The following CATIP variants were observed in gnomAD, a reference collection of about 807,000 sequenced individuals.
The protein encoded by CATIP is ciliogenesis associated TTC17 interacting protein.
Under a neutral mutation model 42.5 loss-of-function variants are expected in CATIP, and 40 were observed. The ratio of observed to expected loss-of-function variants is 0.94; its 90% confidence interval spans 0.73 to 1.22. The LOEUF (loss-of-function observed/expected upper bound fraction) is 1.22. Among genes scored for constraint, CATIP ranks in the 50% most tolerant of loss-of-function variants. The pLI is 0.00. For missense variants in CATIP, 489 were observed against 496.0 expected (o/e 0.99, Z 0.13); for synonymous variants, 222 against 200.2 (o/e 1.11, Z -0.92).
intron 5 of CATIP, among the ~76,000 whole-genome samples, chr2:218,361,125 CCAGCCTA>C (rs1438024644): frequency 6.6e-6 from 1 of 152,148 alleles, no homozygotes; most frequent in Non-Finnish European, 1.5e-5. Flanking sequence ...GCCACCACGC[CCAGCCTA>C]CAGCTTGGTT....
At chr2:218,367,202 G>T in intron 8 of CATIP, 102 bp downstream of exon 8, 1 of 906,512 alleles carries the variant, frequency 1.1e-6, no homozygotes, top group East Asian at 2.5e-5. Flanking sequence ...TGCTGTAAAC[G>T]GGACAGGAGC....
chr2:218,366,991 A>C, intron 7 of CATIP, 33 bp from the exon 8 acceptor site: 3 of 1,543,268 alleles, frequency 1.9e-6, no homozygotes, highest in Non-Finnish European at 2.7e-6. Context: ...GTCTGGGAAG[A>C]TTCTCACTCT....
intron 5 of CATIP, among the ~76,000 whole-genome samples, 172 bp downstream of exon 5, chr2:218,360,831 T>TG (rs755686687): frequency 3.8e-3 from 449 of 118,556 alleles, no homozygotes; most frequent in Non-Finnish European, 4.3e-3. Context: ...CACAGCTTGT[T>TG]TTTTTTTTTT....
Position 218,357,910 on chromosome 2 carries a change from T to C in CATIP, c.320-127T>C, listed in dbSNP as rs935454082. 2.8e-6 allele frequency: 3 copies of C among 1,072,838 alleles called. No homozygotes were observed. The Admixed American group carries it at 5.5e-5, about 20-fold the overall frequency. 66.5% of individuals were successfully genotyped at this position (1,072,838 alleles called of 1,614,324 possible). ...CATGGACTCGGGATGAGGGCACATCTTACCCATCCTGTAGTTTTTCTGGGA... is the reference window on the plus strand; with the variant it reads ...CATGGACTCGGGATGAGGGCACATCCTACCCATCCTGTAGTTTTTCTGGGA... On this transcript the variant is annotated intron_variant, in intron 3 of 9. Coordinates refer to ENST00000289388, the MANE Select transcript of CATIP (RefSeq NM_198559.2).
chr2:218,356,952 T>C (rs1443728822), intron 1 of CATIP, 43 bp downstream of exon 1: 11 of 1,611,716 alleles, frequency 6.8e-6, no homozygotes, highest in Non-Finnish European at 9.3e-6. Context: ...GATCCTCTTC[T>C]TTCTTCCCAA....
chr2:218,359,807 C>CT (rs10570162), intron 4 of CATIP, among the ~76,000 whole-genome samples: 35 of 148,728 alleles, frequency 2.4e-4, no homozygotes, highest in African/African-American at 6.4e-4. Flanking sequence ...GTTGCTGCTG[C>CT]TTTTTTTTTT....
chr2:218,359,259 T>C (rs1695150272), intron 4 of CATIP, among the ~76,000 whole-genome samples: 1 of 149,150 alleles, frequency 6.7e-6, no homozygotes, highest in African/African-American at 2.5e-5. Context: ...GGAGAATTGC[T>C]TGAACCCAGG....
chr2:218,367,431 T>A lies in CATIP; in HGVS notation c.834T>A (p.Asp278Glu), dbSNP rs1228796340. Residue 278 changes from aspartate (D) to glutamate (E), a missense_variant and splice_region_variant, in exon 9 of 10, where the codon GAT becomes GAA. Asp to Glu is a conservative substitution (Grantham distance 45, BLOSUM62 2). Transcript: ENST00000289388. Reference protein sequence around the residue: ...ITKMPILREEDEIEPRPVFEK... With the variant: ...ITKMPILREEEEIEPRPVFEK... ...CAGCCTTCCTTGTTCCCCACCTAGA[T>A]GAGATTGAGCCACGCCCAGTGTTTG... The A allele has an allele frequency of 6.3e-7, 1 of 1,591,602 alleles. No homozygotes were observed. Among genetic ancestry groups the A allele is most frequent in the Admixed American group, 1.7e-5 (1 of 59,954 alleles).
chr2:218,357,671 CTCT>C lies in CATIP; in HGVS notation c.259_261del (p.Phe87del). The C allele has an allele frequency of 3.7e-6, 6 of 1,614,124 alleles. No homozygotes were observed. Among genetic ancestry groups the C allele is most frequent in the Non-Finnish European group, 5.1e-6 (6 of 1,180,028 alleles). On this transcript the variant is annotated inframe_deletion, in exon 3 of 10. Coordinates refer to ENST00000289388, the MANE Select transcript of CATIP (RefSeq NM_198559.2). ...AAAACTCGGCATGCTGACATACTGC[CTCT>C]TCGTGCATGCCTCTAGCCGAGGCTT...
At position 218,362,917 on chromosome 2, in the gene CATIP, T is replaced by A; in HGVS notation, c.630+15T>A. On this transcript the variant is annotated intron_variant, in intron 6 of 9. Transcript: ENST00000289388. ...ATTTGACCTATGTAAGGGGTCCCCT[T>A]GGGCAGGGGACTTGGCTTGGGAGCG... 6.2e-7 allele frequency: 1 copy of A among 1,601,180 alleles called. No individual in the cohort carries two copies. Among genetic ancestry groups the A allele is most frequent in the Non-Finnish European group, 8.5e-7 (1 of 1,171,560 alleles).
intron 9 of CATIP, 95 bp downstream of exon 9, chr2:218,367,613 G>T (rs1417192962): frequency 6.3e-7 from 1 of 1,599,872 alleles, no homozygotes; most frequent in South Asian, 1.1e-5. Context: ...CACACCCGTA[G>T]GGGCTAGAAG....
intron 6 of CATIP, 63 bp downstream of exon 6, chr2:218,362,965 A>G: frequency 6.7e-7 from 1 of 1,501,890 alleles, no homozygotes; most frequent in Non-Finnish European, 9.0e-7. Flanking sequence ...CGTGAAAAGC[A>G]CTGAGATGGG....
intron 4 of CATIP, among the ~76,000 whole-genome samples, chr2:218,358,396 C>T (rs1695113379): frequency 6.6e-6 from 1 of 151,454 alleles, no homozygotes. Flanking sequence ...ATAGCGAAAC[C>T]TCATCTGTAC....
chr2:218,357,834 T>C (rs1383737041), intron 3 of CATIP, 100 bp downstream of exon 3: 3 of 1,367,448 alleles, frequency 2.2e-6, no homozygotes, highest in African/African-American at 1.4e-5. Flanking sequence ...CCCTTGGCTT[T>C]GCCTTGGACC....
chr2:218,367,469 T>C lies in CATIP; in HGVS notation c.872T>C (p.Leu291Pro). 6.2e-7 allele frequency: 1 copy of C among 1,614,124 alleles called. No homozygotes were observed. Residue 291 changes from leucine to proline, a missense_variant, in exon 9 of 10, where the codon CTG (leucine) becomes CCG (proline). Physicochemically the swap from Leu to Pro is moderately conservative, Grantham distance 98. Coordinates refer to ENST00000289388, the MANE Select transcript of CATIP (RefSeq NM_198559.2). ...CGCCCAGTGTTTGAGAAGAAGCCCC[T>C]GGTATGGGAGGAGGATATGGAGCTC... ...EPRPVFEKKP[L>P]VWEEDMELYS...
intron 6 of CATIP, among the ~76,000 whole-genome samples, chr2:218,363,324 CA>C (rs768311618): frequency 1.3e-3 from 181 of 138,022 alleles, no homozygotes; most frequent in Admixed American, 1.5e-3. Flanking sequence ...ACTAAAAATA[CA>C]AAAAAAAAAA....
At chr2:218,357,875 G>A in intron 3 of CATIP, 141 bp downstream of exon 3, 1 of 1,088,226 alleles carries the variant, frequency 9.2e-7, no homozygotes, top group Non-Finnish European at 1.4e-6. Context: ...AGAGGGATGA[G>A]CGAGTTCCTC....
At chr2:218,358,232 A>G (rs1262040454) in intron 4 of CATIP, 140 bp downstream of exon 4, 2 of 725,486 alleles carry the variant, frequency 2.8e-6, no homozygotes, top group Non-Finnish European at 2.4e-6. Flanking sequence ...TTATGATGCA[A>G]TGTAAAGCTC....
In CATIP at chr2:218,364,725, C is replaced by G; in HGVS notation, c.728C>G (p.Ser243Cys). 1.9e-6 allele frequency: 3 copies of G among 1,613,790 alleles called. No homozygotes were observed. The highest frequency in any genetic ancestry group is 2.5e-6 in the Non-Finnish European group (3 of 1,179,836). Residue 243 changes from serine (S) to cysteine (C), a missense_variant, in exon 7 of 10, where the codon TCC becomes TGC. Physicochemically the swap from Ser to Cys is moderately radical, Grantham distance 112 (BLOSUM62 -1). Transcript: ENST00000289388. ...TVHAEEGIPM[S>C]CQYYLLSDGH... ...CACGCGGAGGAGGGCATCCCCATGT[C>G]CTGCCAGTACTACCTGCTCTCCGAT...
Sources: allele counts gnomAD v4.1 joint callset (sites outside exome capture counted in the v4.1 genomes callset), GRCh38; gene constraint gnomAD v4.1.1; transcripts MANE v1.5; gene names NCBI Gene and HGNC (gene_info 2026-07-23, HGNC 2026-07-21).